Variants in PCBP2 observed in about 807,000 individuals in gnomAD.
The protein encoded by PCBP2 is poly(rC) binding protein 2.
PCBP2 carries 4 observed loss-of-function variants against 50.1 expected under a neutral mutation model. That is an observed-to-expected ratio of 0.08 (90% confidence interval 0.04 to 0.18). The LOEUF (loss-of-function observed/expected upper bound fraction) is 0.18. PCBP2 is among the 10% of genes least tolerant of loss of function. The pLI, the probability that PCBP2 is intolerant of heterozygous loss-of-function variation, is 1.00. For missense variants in PCBP2, 161 were observed against 474.3 expected, an observed-to-expected ratio of 0.34 and a Z score of 6.14; for synonymous variants, 179 against 168.0, an observed-to-expected ratio of 1.07 and a Z score of -0.51.
chr12:53,480,927 T>A lies in PCBP2; in HGVS notation c.*1485T>A, dbSNP rs552502256. On this transcript the variant is annotated 3_prime_UTR_variant, in exon 15 of 15. Coordinates refer to ENST00000546463, the MANE Select transcript of PCBP2 (RefSeq NM_031989.5). ...CTATTGCCTTGTTGCTTGCTGAATA[T>A]AAGGAATGGGGTGGGGCAGGAAGGG... 1.9e-5 allele frequency: 3 copies of A among 159,350 alleles called. No homozygotes were observed. The highest frequency in any genetic ancestry group is 7.3e-5 in the African/African-American group (3 of 41,376). 9.9% of individuals were successfully genotyped at this position (159,350 alleles called of 1,614,324 possible).
At chr12:53,475,096 C>T (rs1240437231) in intron 14 of PCBP2, 1 of 456,514 alleles carries the variant, frequency 2.2e-6, no homozygotes, top group Non-Finnish European at 4.4e-6. Flanking sequence ...CCTCTCCTGG[C>T]TCTAAATGTT....
At chr12:53,477,701 A>C (rs867874688) in intron 14 of PCBP2, among the ~76,000 whole-genome samples, 2 of 150,312 alleles carry the variant, frequency 1.3e-5, no homozygotes, top group African/African-American at 2.4e-5. Context: ...AAAACCCTAA[A>C]TATTCCCTTA....
intron 14 of PCBP2, among the ~76,000 whole-genome samples, chr12:53,477,720 G>T (rs1942723382): frequency 6.7e-6 from 1 of 148,884 alleles, no homozygotes; most frequent in Non-Finnish European, 1.5e-5. Flanking sequence ...TAATACTGAG[G>T]TGGAGAAACC....
chr12:53,456,585 T>TA (rs1016197881), intron 5 of PCBP2, among the ~76,000 whole-genome samples: 2 of 152,218 alleles, frequency 1.3e-5, no homozygotes, highest in Non-Finnish European at 2.9e-5. Context: ...CTTGAGTATA[T>TA]ACCAAACTAA....
At chr12:53,475,214 C>T (rs1217212200) in intron 14 of PCBP2, 2 of 455,294 alleles carry the variant, frequency 4.4e-6, no homozygotes, top group African/African-American at 4.0e-5. Flanking sequence ...TCTCTCCCTA[C>T]TGATTGCATA....
chr12:53,456,992 C>T (rs563808454), intron 5 of PCBP2, among the ~76,000 whole-genome samples: 11 of 152,150 alleles, frequency 7.2e-5, no homozygotes, highest in Non-Finnish European at 1.5e-4. Flanking sequence ...TTAGAAAACA[C>T]GTTTTATTCT....
chr12:53,463,300 GCATTGAAGGAC>G (rs1941581521), intron 8 of PCBP2, among the ~76,000 whole-genome samples: 1 of 152,156 alleles, frequency 6.6e-6, no homozygotes, highest in Admixed American at 6.5e-5. Flanking sequence ...TATGACAGAA[GCATTGAAGGAC>G]CATGGTAGTC....
chr12:53,462,453 T>G, intron 7 of PCBP2, 40 bp from the exon 8 acceptor site: 1 of 1,561,708 alleles, frequency 6.4e-7, no homozygotes, highest in Non-Finnish European at 8.8e-7. Context: ...CTTTGAAACC[T>G]TATCTCTTTT....
At chr12:53,471,520 TC>T in intron 13 of PCBP2, 117 bp from the exon 14 acceptor site, 1 of 922,766 alleles carries the variant, frequency 1.1e-6, no homozygotes, top group Non-Finnish European at 1.5e-6. Flanking sequence ...TGAGCCAAGA[TC>T]AGGCCACTGC....
At chr12:53,460,413 T>C (rs1270429306) in intron 6 of PCBP2, 27 of 372,920 alleles carry the variant, frequency 7.2e-5, no homozygotes, top group Admixed American at 4.4e-4. Context: ...CCCAAAGTGC[T>C]CGGATTACAG....
intron 14 of PCBP2, chr12:53,475,363 G>T (rs1942506862): frequency 2.8e-6 from 1 of 359,668 alleles, no homozygotes; most frequent in South Asian, 2.1e-5. Flanking sequence ...TGGGGGAGTG[G>T]TAACCCTTGT....
At chr12:53,463,278 A>T (rs1057465712) in intron 8 of PCBP2, among the ~76,000 whole-genome samples, 5 of 152,080 alleles carry the variant, frequency 3.3e-5, no homozygotes, top group African/African-American at 1.2e-4. Flanking sequence ...GACTATTCTG[A>T]AGTTAGATTA....
intron 1 of PCBP2, 120 bp from the exon 2 acceptor site, chr12:53,454,606 C>T (rs140733604): frequency 1.6e-4 from 95 of 594,974 alleles, no homozygotes; most frequent in African/African-American, 1.4e-3. Flanking sequence ...GTATATAAGT[C>T]TGACATACTG....
chr12:53,468,142 A>AT lies in PCBP2; in HGVS notation c.826+308dup, dbSNP rs898518204. On this transcript the variant is annotated intron_variant, in intron 12 of 14. Coordinates refer to ENST00000546463, the MANE Select transcript of PCBP2 (RefSeq NM_031989.5). ...ATGGGTACGGGTATTTGCTGATGGG[A>AT]TTTTTTTTTCTTTCTTTTTCTTTGG... 448 of 301,904 alleles carry AT rather than the reference A, an allele frequency of 1.5e-3. 1 individual carries two copies. Among genetic ancestry groups the AT allele is most frequent in the African/African-American group, 2.2e-3 (102 of 46,302 alleles). The allele number at this position is 301,904 out of a possible 1,614,324, so 18.7% of individuals were successfully genotyped here.
chr12:53,477,836 G>A (rs928044698), intron 14 of PCBP2, among the ~76,000 whole-genome samples: 4 of 152,144 alleles, frequency 2.6e-5, no homozygotes, highest in African/African-American at 9.7e-5. Flanking sequence ...AAGGGATACA[G>A]ATGGTGAATT....
At chr12:53,469,279 T>A (rs1483653365) in intron 13 of PCBP2, among the ~76,000 whole-genome samples, 1 of 152,110 alleles carries the variant, frequency 6.6e-6, no homozygotes, top group Non-Finnish European at 1.5e-5. Context: ...TGTTTTTGTT[T>A]TTCATACCCC....
intron 2 of PCBP2, 23 bp downstream of exon 2, chr12:53,454,892 G>A (rs1041674762): frequency 1.2e-6 from 2 of 1,603,638 alleles, no homozygotes. Flanking sequence ...TTGGGAAATG[G>A]GGTCATAGTA....
rs993922321 is a variant in PCBP2, at chr12:53,455,905, C to T, written c.147C>T (p.Ile49=). The stretch of plus-strand genomic sequence containing the variant: ...TCTAGAGTGGTGCACGTATCAACAT[C>T]TCAGAAGGGAATTGTCCTGAGAGAA... ...MREESGARIN[I]SEGNCPERII... is the part of the protein sequence containing the mutation. The change falls in exon 5 of 15, where the codon ATC becomes ATT. Residue 49 remains isoleucine (I), a synonymous_variant. Transcript: ENST00000546463. The T allele has an allele frequency of 7.4e-6, 12 of 1,612,128 alleles. No individual in the cohort carries two copies. Among genetic ancestry groups the T allele is most frequent in the Admixed American group, 3.3e-5 (2 of 59,994 alleles).
intron 5 of PCBP2, among the ~76,000 whole-genome samples, chr12:53,457,219 T>A (rs1383822146): frequency 6.6e-6 from 1 of 152,064 alleles, no homozygotes; most frequent in Non-Finnish European, 1.5e-5. Context: ...GATAATTTTT[T>A]AAAAACGTTT....
Sources: gnomAD v4.1 joint callset for allele counts (sites outside exome capture counted in the v4.1 genomes callset) on GRCh38, gnomAD v4.1.1 for gene constraint, MANE v1.5 for transcripts, NCBI Gene and HGNC (gene_info 2026-07-23, HGNC 2026-07-21) for gene names.